WDR70: variants seen among roughly 807,000 people sequenced by gnomAD.
WDR70 encodes WD repeat-containing protein 70.
In WDR70, 53 loss-of-function variants were observed where a neutral mutation model predicts 88.6. That is an observed-to-expected ratio of 0.60 (90% CI 0.48 to 0.75). WDR70 has a LOEUF of 0.75. Among genes scored for constraint, WDR70 ranks in the 30% least tolerant of loss-of-function variants. WDR70 has a pLI of 0.00. For missense variants in WDR70, 610 were observed against 823.2 expected, an observed-to-expected ratio of 0.74 and a Z score of 3.17; for synonymous variants, 280 against 270.0, an observed-to-expected ratio of 1.04 and a Z score of -0.36.
At chr5:37,436,723 A>G (rs1489168740) in intron 5 of WDR70, among the ~76,000 whole-genome samples, 1 of 152,138 alleles carries the variant, frequency 6.6e-6, no homozygotes, top group Non-Finnish European at 1.5e-5. Flanking sequence ...TGCAGAAGAA[A>G]AGATAACGAT....
chr5:37,419,235 C>T (rs1466771345), intron 5 of WDR70, among the ~76,000 whole-genome samples: 5 of 147,742 alleles, frequency 3.4e-5, no homozygotes, highest in African/African-American at 1.3e-4. Context: ...GAGACAGAAT[C>T]TCACTCTGTC....
chr5:37,663,082 C>CT (rs1381239546), intron 10 of WDR70, among the ~76,000 whole-genome samples: 1 of 152,088 alleles, frequency 6.6e-6, no homozygotes, highest in African/African-American at 2.4e-5. Context: ...GGAACTCCTG[C>CT]TTTTTTGAAA....
chr5:37,381,451 C>T (rs1432808584), intron 2 of WDR70, 151 bp from the exon 3 acceptor site: 1 of 626,736 alleles, frequency 1.6e-6, no homozygotes, highest in Non-Finnish European at 2.8e-6. Flanking sequence ...TTTTCTGTGA[C>T]TCAAACTCCT....
chr5:37,386,870 G>A (rs1407386014), intron 3 of WDR70, among the ~76,000 whole-genome samples: 1 of 152,064 alleles, frequency 6.6e-6, no homozygotes. Flanking sequence ...GCCTGAGGTG[G>A]GTGGGTCACC....
At chr5:37,622,011 T>C (rs895150923) in intron 10 of WDR70, among the ~76,000 whole-genome samples, 6 of 152,214 alleles carry the variant, frequency 3.9e-5, no homozygotes, top group African/African-American at 1.4e-4. Flanking sequence ...CTTGTTTTTG[T>C]CAGGTTTGTC....
At chr5:37,444,010 G>A (rs1453418796) in intron 7 of WDR70, among the ~76,000 whole-genome samples, 18 of 151,604 alleles carry the variant, frequency 1.2e-4, no homozygotes, top group African/African-American at 4.1e-4. Flanking sequence ...CAAGCCAGGC[G>A]TGGTGGCTCA....
At chr5:37,502,498 A>G (rs1740433138) in intron 8 of WDR70, among the ~76,000 whole-genome samples, 1 of 151,878 alleles carries the variant, frequency 6.6e-6, no homozygotes, top group Non-Finnish European at 1.5e-5. Context: ...TCATAAAGGG[A>G]TGCTGTGGGG....
At chr5:37,626,373 T>C (rs144570661) in intron 10 of WDR70, among the ~76,000 whole-genome samples, 134 of 152,382 alleles carry the variant, frequency 8.8e-4, no homozygotes, top group African/African-American at 3.1e-3. Flanking sequence ...GAGATCATCT[T>C]GTGGTTTTCA....
chr5:37,697,806 T>C, intron 11 of WDR70, 52 bp downstream of exon 11: 4 of 1,484,940 alleles, frequency 2.7e-6, no homozygotes, highest in Non-Finnish European at 3.7e-6. Flanking sequence ...AATAATCATC[T>C]TTAACAAATA....
chr5:37,448,610 G>C (rs1288959589), intron 7 of WDR70, among the ~76,000 whole-genome samples: 1 of 152,166 alleles, frequency 6.6e-6, no homozygotes, highest in Non-Finnish European at 1.5e-5. Context: ...TACAAAGATA[G>C]TACAGAGTTT....
chr5:37,499,845 G>A (rs1740352598), intron 8 of WDR70, among the ~76,000 whole-genome samples: 1 of 152,060 alleles, frequency 6.6e-6, no homozygotes, highest in Admixed American at 6.5e-5. Flanking sequence ...GAGTCAGTCT[G>A]TGGCTTTTCT....
Position 37,663,046 on chromosome 5 carries a change from A to G in WDR70, c.1093-34609A>G, listed in dbSNP as rs183418168. Among the ~76,000 whole-genome samples, 14 of 152,344 alleles carry G rather than the reference A, an allele frequency of 9.2e-5. No homozygotes were observed. The East Asian group carries it at 2.3e-3, about 25-fold the overall frequency. ...AAGCAACCAATAAACATTTGCTTCA[A>G]ATTGATTTTCTCAAGTGAGTAAATT... is the stretch of plus-strand genomic sequence containing the variant. On this transcript the variant is annotated intron_variant, in intron 10 of 17. Coordinates refer to ENST00000265107, the MANE Select transcript of WDR70 (RefSeq NM_018034.4).
chr5:37,555,062 T>C (rs1252462764), intron 9 of WDR70, among the ~76,000 whole-genome samples: 1 of 152,214 alleles, frequency 6.6e-6, no homozygotes, highest in Non-Finnish European at 1.5e-5. Context: ...TTGTGTTGTG[T>C]ACCTTACCTC....
chr5:37,387,610 AAGT>A (rs1195685980), intron 3 of WDR70, among the ~76,000 whole-genome samples: 1 of 151,882 alleles, frequency 6.6e-6, no homozygotes, highest in African/African-American at 2.4e-5. Flanking sequence ...TAATTTATAG[AAGT>A]AGTATTCATC....
intron 8 of WDR70, among the ~76,000 whole-genome samples, chr5:37,513,273 A>T (rs1740776857): frequency 6.6e-6 from 1 of 152,234 alleles, no homozygotes; most frequent in Non-Finnish European, 1.5e-5. Context: ...GGACCAGGGA[A>T]TACTTATTTG....
chr5:37,655,301 A>G (rs2112567079), intron 10 of WDR70, among the ~76,000 whole-genome samples: 1 of 152,308 alleles, frequency 6.6e-6, no homozygotes, highest in South Asian at 2.1e-4. Context: ...GTTTCTGCAG[A>G]GAGATGCGCT....
At chr5:37,556,463 A>C (rs1742297807) in intron 9 of WDR70, among the ~76,000 whole-genome samples, 2 of 152,190 alleles carry the variant, frequency 1.3e-5, no homozygotes. Context: ...TGAAATATTT[A>C]ATTTCTATAA....
chr5:37,467,595 G>C (rs1053015608), intron 7 of WDR70, among the ~76,000 whole-genome samples: 2 of 149,950 alleles, frequency 1.3e-5, no homozygotes, highest in African/African-American at 4.9e-5. Context: ...GGAGTGCAGT[G>C]GCACAATCTT....
intron 10 of WDR70, among the ~76,000 whole-genome samples, chr5:37,648,806 A>G (rs575741919): frequency 1.3e-5 from 2 of 152,350 alleles, no homozygotes; most frequent in African/African-American, 4.8e-5. Flanking sequence ...TATTCCATTT[A>G]TAAAAATGTT....
Sources: gnomAD v4.1 joint callset for allele counts (sites outside exome capture counted in the v4.1 genomes callset) on GRCh38, gnomAD v4.1.1 for gene constraint, MANE v1.5 for transcripts, NCBI Gene and HGNC (gene_info 2026-07-23, HGNC 2026-07-21) for gene names.